Variants in GALNT14 observed in about 807,000 individuals in gnomAD.
GALNT14 encodes the protein UDP-GalNAc:polypeptide N-acetylgalactosaminyltransferase 14.
GALNT14 carries 60 observed loss-of-function variants against 77.5 expected under a neutral mutation model. The ratio of observed to expected loss-of-function variants is 0.77; its 90% CI spans 0.63 to 0.96. GALNT14 has a LOEUF of 0.96. Ranked by LOEUF, GALNT14 falls within the 40% of genes least tolerant of loss-of-function variation. The pLI, the probability that GALNT14 is intolerant of heterozygous loss-of-function variation, is 0.00. For missense variants in GALNT14, 710 were observed against 731.0 expected, an observed-to-expected ratio of 0.97 and a Z score of 0.33; for synonymous variants, 280 against 281.7, an observed-to-expected ratio of 0.99 and a Z score of 0.06.
At chr2:30,947,890 A>G (rs1271331881) in intron 6 of GALNT14, among the ~76,000 whole-genome samples, 1 of 152,190 alleles carries the variant, frequency 6.6e-6, no homozygotes, top group Non-Finnish European at 1.5e-5. Context: ...ATTGGCCCAC[A>G]TGGAAAGAAA....
At chr2:30,981,729 A>G (rs887295273) in intron 2 of GALNT14, among the ~76,000 whole-genome samples, 1 of 152,100 alleles carries the variant, frequency 6.6e-6, no homozygotes, top group African/African-American at 2.4e-5. Context: ...TTAGTACCTA[A>G]GCCAGTTTCC....
At chr2:30,919,481 G>A (rs1380677473) in intron 13 of GALNT14, among the ~76,000 whole-genome samples, 1 of 152,216 alleles carries the variant, frequency 6.6e-6, no homozygotes, top group Non-Finnish European at 1.5e-5. Context: ...TGCAGAGACT[G>A]TGGGCAGCTA....
intron 1 of GALNT14, among the ~76,000 whole-genome samples, chr2:31,014,263 C>T (rs886341418): frequency 1.3e-5 from 2 of 152,188 alleles, no homozygotes; most frequent in Non-Finnish European, 2.9e-5. Flanking sequence ...CTCCCTTCCC[C>T]CTTCCTCCCC....
At chr2:30,905,585 T>C (rs1482924977), downstream of GALNT14, among the ~76,000 whole-genome samples, 3 of 152,000 alleles carry the variant, frequency 2.0e-5, no homozygotes, top group Non-Finnish European at 2.9e-5. Flanking sequence ...CTATGTCTGA[T>C]TGGTGTACCT....
chr2:30,929,890 T>C (rs962068904), intron 10 of GALNT14, among the ~76,000 whole-genome samples: 2 of 152,204 alleles, frequency 1.3e-5, no homozygotes, highest in African/African-American at 4.8e-5. Flanking sequence ...CTGAAGGTAA[T>C]GATATTTTTC....
intron 4 of GALNT14, among the ~76,000 whole-genome samples, chr2:30,956,693 G>C (rs905910779): frequency 6.6e-6 from 1 of 152,128 alleles, no homozygotes; most frequent in Non-Finnish European, 1.5e-5. Flanking sequence ...TTGTAGTAAA[G>C]ACAAGGTTTC....
At chr2:31,129,491 C>T (rs767852878) in intron 1 of GALNT14, 213 of 985,328 alleles carry the variant, frequency 2.2e-4, no homozygotes, top group Non-Finnish European at 2.5e-4. Flanking sequence ...ACCCAGCTGG[C>T]AGCCATCAAT....
chr2:31,129,726 G>T, intron 1 of GALNT14: 1 of 813,458 alleles, frequency 1.2e-6, no homozygotes, highest in South Asian at 5.6e-5. Context: ...GGGAGGTGGG[G>T]GGTGGGAGGG....
intron 11 of GALNT14, among the ~76,000 whole-genome samples, chr2:30,927,857 T>C (rs1260982438): frequency 6.6e-6 from 1 of 152,146 alleles, no homozygotes; most frequent in Non-Finnish European, 1.5e-5. Flanking sequence ...GTATTATTAG[T>C]AGCACCAGCT....
At chr2:30,966,937 C>T (rs1558450240) in intron 2 of GALNT14, among the ~76,000 whole-genome samples, 1 of 152,170 alleles carries the variant, frequency 6.6e-6, no homozygotes, top group African/African-American at 2.4e-5. Context: ...TTTAATACCT[C>T]GCTGCAAGTG....
intron 13 of GALNT14, among the ~76,000 whole-genome samples, chr2:30,913,024 C>A (rs1664464847): frequency 6.6e-6 from 1 of 152,120 alleles, no homozygotes. Flanking sequence ...ATTGGATTGA[C>A]AAGCAGAGTT....
intron 9 of GALNT14, among the ~76,000 whole-genome samples, chr2:30,937,534 TG>T (rs1268258910): frequency 1.3e-5 from 2 of 152,322 alleles, no homozygotes; most frequent in Admixed American, 1.3e-4. Flanking sequence ...TCCACCTGGC[TG>T]TCAACTTGGG....
intron 1 of GALNT14, among the ~76,000 whole-genome samples, chr2:31,103,670 T>C (rs1295277588): frequency 6.6e-6 from 1 of 152,204 alleles, no homozygotes; most frequent in Non-Finnish European, 1.5e-5. Context: ...ACCTTTTTAC[T>C]CCCTGCTATT....
rs958877983 is a variant in GALNT14 at position 30,942,143 on chromosome 2, C to G, written c.931+58G>C. ...GGATCCAAAACCACAGAGGTCCCCG[C>G]CCCAATCCCCAGGGTGTATAGAACA... On this transcript the variant is annotated intron_variant, in intron 9 of 14. Coordinates refer to ENST00000349752, the MANE Select transcript of GALNT14 (RefSeq NM_024572.4). 2.3e-6 allele frequency: 3 copies of G among 1,287,704 alleles called. No individual in the cohort carries two copies. In the African/African-American group the frequency reaches 4.4e-5, roughly 19 times the overall value. 79.8% of individuals were successfully genotyped at this position (1,287,704 alleles called of 1,614,324 possible).
intron 1 of GALNT14, among the ~76,000 whole-genome samples, chr2:31,130,783 T>TGTGTGTGTGTGTGCGC (rs1181788023): frequency 1.7e-5 from 2 of 118,634 alleles, no homozygotes; most frequent in African/African-American, 7.3e-5. Context: ...TGTGTGTGTG[T>TGTGTGTGTGTGTGCGC]GCGCGCGCAC....
At chr2:30,974,322 C>T (rs1668519958) in intron 2 of GALNT14, among the ~76,000 whole-genome samples, 2 of 152,236 alleles carry the variant, frequency 1.3e-5, no homozygotes, top group African/African-American at 2.4e-5. Flanking sequence ...ACTGCAGCAA[C>T]TTCCTCTCTG....
intron 1 of GALNT14, among the ~76,000 whole-genome samples, chr2:31,068,336 A>T (rs951044673): frequency 2.0e-5 from 3 of 151,904 alleles, no homozygotes; most frequent in African/African-American, 7.3e-5. Flanking sequence ...AAAATACAAA[A>T]ATTAGCCACG....
chr2:31,004,262 G>A (rs1019540611), intron 1 of GALNT14, among the ~76,000 whole-genome samples: 1 of 152,192 alleles, frequency 6.6e-6, no homozygotes, highest in Non-Finnish European at 1.5e-5. Context: ...GGTATCCACA[G>A]GGGACTCAGG....
chr2:31,110,301 C>T (rs1004930189), intron 1 of GALNT14, among the ~76,000 whole-genome samples: 3 of 152,184 alleles, frequency 2.0e-5, no homozygotes, highest in Non-Finnish European at 1.5e-5. Flanking sequence ...TCTGGCTAAG[C>T]ACATCAATGG....
Sources: gnomAD v4.1 joint callset for allele counts (sites outside exome capture counted in the v4.1 genomes callset) on GRCh38, gnomAD v4.1.1 for gene constraint, MANE v1.5 for transcripts, NCBI Gene and HGNC (gene_info 2026-07-23, HGNC 2026-07-21) for gene names.